Variants in FAM20C observed in about 807,000 individuals in gnomAD.
FAM20C encodes the protein FAM20C golgi associated secretory pathway kinase.
FAM20C carries 40 observed loss-of-function variants against 51.5 expected under a neutral mutation model. The observed-to-expected ratio is 0.78, with a 90% CI of 0.60 to 1.01. The LOEUF is 1.01. Ranked by LOEUF, FAM20C falls within the 50% of genes least tolerant of loss-of-function variation. The probability of loss-of-function intolerance (pLI) is 0.00; values close to 1 mark genes in which losing one functional copy is unlikely to be tolerated. For synonymous variants in FAM20C, 406 were observed against 380.6 expected, an observed-to-expected ratio of 1.07 and a Z score of -0.78; for missense variants, 861 against 844.7, an observed-to-expected ratio of 1.02 and a Z score of -0.24.
intron 9 of FAM20C, among the ~76,000 whole-genome samples, chr7:259,282 G>C (rs1788773620): frequency 6.6e-6 from 1 of 152,142 alleles, no homozygotes; most frequent in East Asian, 1.9e-4. Flanking sequence ...GGCCCCTCTG[G>C]GAAATACACC....
chr7:193,987 T>C (rs1785725250), intron 1 of FAM20C, 183 bp downstream of exon 1: 9 of 946,448 alleles, frequency 9.5e-6, no homozygotes, highest in Non-Finnish European at 1.3e-5. Flanking sequence ...ACCTCCTCCT[T>C]GGGAGGGGCT....
Position 248,704 on chromosome 7 carries a change from C to T in FAM20C, c.1072+274C>T, listed in dbSNP as rs185157104. On this transcript the variant is annotated intron_variant, in intron 5 of 9. Transcript: ENST00000313766. ...CTCCAGGTAGCCTGGCACGGGGGCC[C>T]GCATTCATCTCTCCAGGTAGCCTGG... is the stretch of plus-strand genomic sequence containing the variant. Among the ~76,000 whole-genome samples the T allele has an allele frequency of 0.046, 6,781 of 145,904 alleles. 123 individuals carry two copies. Among genetic ancestry groups the T allele is most frequent in the Non-Finnish European group, 0.072 (4,683 of 65,440 alleles).
At position 193,160 on chromosome 7, in the gene FAM20C, G is replaced by A. The variant is rs1381735702; in HGVS notation, c.-40G>A. 6 of 1,425,908 alleles carry A rather than the reference G, an allele frequency of 4.2e-6. No individual in the cohort carries two copies. The African/African-American group carries it at 6.1e-5, about 14-fold the overall frequency. The allele number at this position is 1,425,908 out of a possible 1,614,324, so 88.3% of individuals were successfully genotyped here. ...CCCAGCTGCAGCTAGAGGGGCGCGC[G>A]GGCAGAACGCGCTCCAGGCCCGGGC... On this transcript the variant is annotated 5_prime_UTR_variant, in exon 1 of 10. Transcript: ENST00000313766.
At chr7:212,140 C>T (rs749743983) in intron 3 of FAM20C, among the ~76,000 whole-genome samples, 22 of 152,366 alleles carry the variant, frequency 1.4e-4, no homozygotes, top group Non-Finnish European at 2.6e-4. Context: ...ATGACCATAG[C>T]ATTAATGAGT....
In FAM20C at chr7:193,570, G is replaced by A. The variant is rs1312878711; in HGVS notation, c.371G>A (p.Arg124Gln). Residue 124 changes from arginine (R) to glutamine (Q), a missense_variant, in exon 1 of 10, where the codon CGG (arginine) becomes CAG (glutamine). By Grantham distance (43) the Arg-to-Gln change is conservative (BLOSUM62 1). Transcript: ENST00000313766. The stretch of plus-strand genomic sequence containing the variant: ...CCGGCCGAGCGCGCCTTGCGGGGGC[G>A]GGATCCCGGCGCCCTAAGACCCCAC... ...AEPAERALRG[R>Q]DPGALRPHDP... The A allele has an allele frequency of 6.7e-7, 1 of 1,499,300 alleles. No individual in the cohort carries two copies. Among genetic ancestry groups the A allele is most frequent in the Non-Finnish European group, 8.9e-7 (1 of 1,122,606 alleles). The allele number at this position is 1,499,300 out of a possible 1,614,324, so 92.9% of individuals were successfully genotyped here. A position where few individuals can be genotyped will look rare whatever the true frequency, so the allele number is the denominator to read the frequency against.
intron 2 of FAM20C, among the ~76,000 whole-genome samples, chr7:196,130 C>T (rs1316522859): frequency 2.6e-5 from 4 of 152,204 alleles, no homozygotes; most frequent in Admixed American, 6.5e-5. Flanking sequence ...TTTCTACACA[C>T]GACCCTGGCT....
intron 4 of FAM20C, among the ~76,000 whole-genome samples, chr7:247,912 G>GA (rs1388340029): frequency 6.6e-6 from 1 of 152,276 alleles, no homozygotes; most frequent in African/African-American, 2.4e-5. Flanking sequence ...CCGTCAGCAA[G>GA]AAAAGCTCTC....
chr7:193,867 G>A, intron 1 of FAM20C, 63 bp downstream of exon 1: 10 of 1,506,722 alleles, frequency 6.6e-6, no homozygotes, highest in African/African-American at 1.4e-5. Context: ...ATGGTGTAGA[G>A]AGGTTCAGGG....
intron 3 of FAM20C, among the ~76,000 whole-genome samples, chr7:216,957 A>G (rs1480104523): frequency 2.0e-5 from 3 of 152,048 alleles, no homozygotes; most frequent in African/African-American, 2.4e-5. Context: ...TAAAGGCAGG[A>G]GCGGGGGCCC....
Position 256,007 on chromosome 7 carries a change from T to C in FAM20C, c.1231T>C (p.Tyr411His). The C allele has an allele frequency of 6.5e-7, 1 of 1,535,924 alleles. No individual in the cohort carries two copies. Among genetic ancestry groups the C allele is most frequent in the Non-Finnish European group, 8.7e-7 (1 of 1,146,738 alleles). ...KTWRNPWRRS[Y>H]HKRKKAEWEV... ...CTGGCGGAACCCTTGGCGGCGTTCC[T>C]ACCACAAGCGCAAGAAGGCCGAGTG... Residue 411 changes from tyrosine (Y) to histidine (H), a missense_variant, in exon 6 of 10, where the codon TAC becomes CAC. Tyr to His is a moderately conservative substitution (Grantham distance 83). Coordinates refer to ENST00000313766, the MANE Select transcript of FAM20C (RefSeq NM_020223.4).
intron 3 of FAM20C, among the ~76,000 whole-genome samples, chr7:234,517 C>T (rs1225516978): frequency 6.6e-6 from 1 of 152,140 alleles, no homozygotes; most frequent in East Asian, 1.9e-4. Flanking sequence ...TCTTCTGGGG[C>T]CGCAGGCTGT....
chr7:216,669 CAG>C (rs1491431933), intron 3 of FAM20C, among the ~76,000 whole-genome samples: 4 of 112,392 alleles, frequency 3.6e-5, no homozygotes, highest in African/African-American at 1.0e-4. Context: ...GTGTGAGAGA[CAG>C]AGTGTGTGTG....
intron 3 of FAM20C, among the ~76,000 whole-genome samples, chr7:210,739 CA>C (rs1489241871): frequency 6.6e-6 from 1 of 152,176 alleles, no homozygotes; most frequent in Non-Finnish European, 1.5e-5. Flanking sequence ...TCCTGGGCGC[CA>C]GCTTGTCCGG....
At chr7:257,391 G>A in intron 8 of FAM20C, 1 of 373,556 alleles carries the variant, frequency 2.7e-6, no homozygotes, top group Non-Finnish European at 4.9e-6. Context: ...GGACCGTGCA[G>A]AATAGATGGG....
At chr7:228,582 C>T (rs1376473086) in intron 3 of FAM20C, 1 of 456,132 alleles carries the variant, frequency 2.2e-6, no homozygotes, top group Non-Finnish European at 4.4e-6. Flanking sequence ...CCCAGCTCTC[C>T]TCTGAGGGCA....
chr7:226,446 C>CT (rs1395517148), intron 3 of FAM20C, among the ~76,000 whole-genome samples: 2 of 152,196 alleles, frequency 1.3e-5, no homozygotes, highest in African/African-American at 4.8e-5. Flanking sequence ...AGTCCCAGCG[C>CT]TTACCAGCCA....
intron 2 of FAM20C, 27 bp downstream of exon 2, chr7:195,759 C>A: frequency 6.5e-7 from 1 of 1,540,390 alleles, no homozygotes. Context: ...GCACTCAGGG[C>A]CGTCTGTGTG....
At chr7:209,163 C>T (rs747434630) in intron 3 of FAM20C, among the ~76,000 whole-genome samples, 187 bp downstream of exon 3, 6 of 152,304 alleles carry the variant, frequency 3.9e-5, no homozygotes, top group Non-Finnish European at 5.9e-5. Context: ...TCTCCTCTCC[C>T]ACGGCCTCCC....
chr7:231,806 G>A (rs1384822603), intron 3 of FAM20C, among the ~76,000 whole-genome samples: 4 of 152,154 alleles, frequency 2.6e-5, no homozygotes, highest in Non-Finnish European at 5.9e-5. Flanking sequence ...GGTTTGGGAG[G>A]TGGTGGTTTT....
Sources: allele counts gnomAD v4.1 joint callset (sites outside exome capture counted in the v4.1 genomes callset), GRCh38; gene constraint gnomAD v4.1.1; transcripts MANE v1.5; gene names NCBI Gene and HGNC (gene_info 2026-07-23, HGNC 2026-07-21).